Variants in CHM observed in about 807,000 individuals in gnomAD.
CHM encodes the protein rab proteins geranylgeranyltransferase component A 1.
CHM carries 10 observed loss-of-function variants against 49.0 expected under a neutral mutation model. The ratio of observed to expected loss-of-function variants is 0.20; its 90% CI spans 0.13 to 0.35. The LOEUF is 0.35. Ranked by LOEUF, CHM falls within the 10% of genes least tolerant of loss-of-function variation. The pLI is 1.00. For synonymous variants in CHM, 184 were observed against 167.5 expected, an observed-to-expected ratio of 1.10 and a Z score of -0.76; for missense variants, 455 against 478.4, an observed-to-expected ratio of 0.95 and a Z score of 0.46.
At chrX:86,042,878 C>T (rs948326679) in intron 1 of CHM, among the ~76,000 whole-genome samples, 2 of 110,451 alleles carry the variant, frequency 1.8e-5, no homozygotes, top group Non-Finnish European at 1.9e-5. Flanking sequence ...TTCACTATTA[C>T]AAGAAGAGTA....
At chrX:85,960,080 A>G (rs1930216773) in intron 5 of CHM, among the ~76,000 whole-genome samples, 2 of 111,493 alleles carry the variant, frequency 1.8e-5, no homozygotes, top group African/African-American at 6.5e-5. Context: ...CTAACACACT[A>G]CATTACTGAA....
At chrX:85,931,971 G>GT (rs759319064) in intron 8 of CHM, among the ~76,000 whole-genome samples, 1 of 112,017 alleles carries the variant, frequency 8.9e-6, no homozygotes, top group South Asian at 3.7e-4. Flanking sequence ...ATTTCTGATA[G>GT]TATCTTTTCC....
chrX:85,961,756 C>T (rs993623061), intron 5 of CHM, among the ~76,000 whole-genome samples: 12 of 111,345 alleles, frequency 1.1e-4, no homozygotes, highest in Admixed American at 1.9e-4. Flanking sequence ...CTCTGCAGGA[C>T]GCAGTCCCAA....
intron 9 of CHM, among the ~76,000 whole-genome samples, chrX:85,907,318 T>A (rs1926661388): frequency 1.8e-5 from 2 of 111,736 alleles, no homozygotes; most frequent in Non-Finnish European, 1.9e-5. Context: ...TGGTTATAGA[T>A]GTATCTGGTC....
At chrX:85,883,496 A>G (rs1453095889) in intron 12 of CHM, among the ~76,000 whole-genome samples, 1 of 111,330 alleles carries the variant, frequency 9.0e-6, no homozygotes, top group East Asian at 2.8e-4. Flanking sequence ...AACTATGAAA[A>G]AGTCTATAGT....
intron 12 of CHM, among the ~76,000 whole-genome samples, chrX:85,883,005 A>C (rs906112413): frequency 9.0e-6 from 1 of 111,320 alleles, no homozygotes; most frequent in East Asian, 2.8e-4. Flanking sequence ...TCCGGTCTCA[A>C]ATTTACGAAG....
At chrX:86,007,540 C>T (rs1283576465) in intron 2 of CHM, among the ~76,000 whole-genome samples, 1 of 111,779 alleles carries the variant, frequency 8.9e-6, no homozygotes, top group Non-Finnish European at 1.9e-5. Flanking sequence ...CCAGAATCTA[C>T]AAAGAACTCA....
intron 2 of CHM, among the ~76,000 whole-genome samples, chrX:86,010,259 T>C (rs939561876): frequency 4.9e-5 from 5 of 101,200 alleles, no homozygotes; most frequent in Non-Finnish European, 9.9e-5. Context: ...ATGTAAATGA[T>C]GAGTTGATGG....
chrX:85,997,075 A>C (rs1247456654), intron 2 of CHM, among the ~76,000 whole-genome samples: 2 of 112,022 alleles, frequency 1.8e-5, no homozygotes, highest in African/African-American at 6.5e-5. Context: ...AAATAAACCT[A>C]ATATGATTAA....
At chrX:85,923,125 C>A (rs770108653) in intron 8 of CHM, among the ~76,000 whole-genome samples, 5 of 112,032 alleles carry the variant, frequency 4.5e-5, no homozygotes, top group Non-Finnish European at 7.5e-5. Context: ...ACTCTTGAGT[C>A]AGACTGCCTA....
intron 2 of CHM, among the ~76,000 whole-genome samples, chrX:86,010,117 A>G (rs1244783448): frequency 1.0e-5 from 1 of 99,481 alleles, no homozygotes; most frequent in Non-Finnish European, 2.0e-5. Flanking sequence ...GTTCTCACTC[A>G]TAAGTGGGAG....
At chrX:85,951,754 T>G (rs1042672964) in intron 8 of CHM, among the ~76,000 whole-genome samples, 7 of 111,900 alleles carry the variant, frequency 6.3e-5, no homozygotes, top group Admixed American at 9.4e-5. Flanking sequence ...AGAACCATCA[T>G]AAGAAGCAAA....
chrX:85,926,705 T>C (rs759656859), intron 8 of CHM, among the ~76,000 whole-genome samples: 10 of 111,743 alleles, frequency 8.9e-5, no homozygotes, highest in African/African-American at 2.9e-4. Context: ...TACCTTCCGA[T>C]AGAGGGTTAG....
chrX:85,894,663 G>C (rs1005698029), intron 11 of CHM, among the ~76,000 whole-genome samples: 3 of 111,276 alleles, frequency 2.7e-5, no homozygotes, highest in Non-Finnish European at 5.7e-5. Context: ...TAGATATTCA[G>C]ATTAGGGACA....
At chrX:85,946,159 TAA>T (rs1929397194) in intron 8 of CHM, among the ~76,000 whole-genome samples, 1 of 112,530 alleles carries the variant, frequency 8.9e-6, no homozygotes, top group African/African-American at 3.2e-5. Flanking sequence ...AAGCAGAGTG[TAA>T]AAGTTTAGAA....
At chrX:86,022,732 T>C (rs900386895) in intron 2 of CHM, among the ~76,000 whole-genome samples, 5 of 111,179 alleles carry the variant, frequency 4.5e-5, no homozygotes, top group Non-Finnish European at 9.4e-5. Context: ...CTTATACACA[T>C]ACCCACATAC....
At chrX:86,015,854 C>T (rs190555400) in intron 2 of CHM, among the ~76,000 whole-genome samples, 7 of 112,292 alleles carry the variant, frequency 6.2e-5, no homozygotes, top group Admixed American at 1.9e-4. Context: ...GACTTGGGGC[C>T]GGGCGGGGTG....
intron 12 of CHM, among the ~76,000 whole-genome samples, chrX:85,893,869 G>GA (rs1168716722): frequency 7.3e-5 from 8 of 110,040 alleles, no homozygotes; most frequent in Middle Eastern, 4.3e-3. Flanking sequence ...AGAAAGTAAA[G>GA]AAAAAAAATT....
At chrX:85,928,303 G>A (rs747628559) in intron 8 of CHM, among the ~76,000 whole-genome samples, 4 of 112,022 alleles carry the variant, frequency 3.6e-5, no homozygotes, top group Non-Finnish European at 7.5e-5. Context: ...AGCACTTTGG[G>A]AGGCCGAGGC....
Sources: gnomAD v4.1 joint callset for allele counts (sites outside exome capture counted in the v4.1 genomes callset) on GRCh38, gnomAD v4.1.1 for gene constraint, MANE v1.5 for transcripts, NCBI Gene and HGNC (gene_info 2026-07-23, HGNC 2026-07-21) for gene names.